SEMA5A: variants seen among roughly 807,000 people sequenced by gnomAD.
The protein encoded by SEMA5A is semaphorin 5A, also known as semaphorin-5A.
A neutral mutation model predicts 135.5 loss-of-function variants in SEMA5A; 55 were observed. That is an observed-to-expected ratio of 0.41 (90% CI 0.33 to 0.51). The LOEUF is 0.51. SEMA5A is among the 20% of genes least tolerant of loss of function. The pLI, the probability that SEMA5A is intolerant of heterozygous loss-of-function variation, is 0.37. For missense variants in SEMA5A, 1,290 were observed against 1,419.9 expected, an observed-to-expected ratio of 0.91 and a Z score of 1.47; for synonymous variants, 580 against 546.5, an observed-to-expected ratio of 1.06 and a Z score of -0.85.
At chr5:9,117,247 C>T (rs1740566207) in intron 15 of SEMA5A, among the ~76,000 whole-genome samples, 1 of 152,160 alleles carries the variant, frequency 6.6e-6, no homozygotes, top group Non-Finnish European at 1.5e-5. Flanking sequence ...CAGTGTTAAT[C>T]AGCCTCTTCC....
intron 12 of SEMA5A, 61 bp downstream of exon 12, chr5:9,154,427 C>T: frequency 6.5e-7 from 1 of 1,539,558 alleles, no homozygotes; most frequent in Admixed American, 1.7e-5. Flanking sequence ...GCCTCCCTGG[C>T]TCTCTCTGGG....
chr5:9,472,001 AT>A (rs1208078058), intron 1 of SEMA5A, among the ~76,000 whole-genome samples: 7 of 152,168 alleles, frequency 4.6e-5, no homozygotes, highest in African/African-American at 9.7e-5. Flanking sequence ...ATCTGGCTAC[AT>A]TTTTTTATTA....
At chr5:9,207,872 GATAGATAGATAGATAGATAGATAGATAC>G (rs1282861605) in intron 8 of SEMA5A, among the ~76,000 whole-genome samples, 97 of 42,282 alleles carry the variant, frequency 2.3e-3, no homozygotes, top group Middle Eastern at 0.01. Context: ...TAGATAGATA[GATAGATAGATAGATAGATAGATAGATAC>G]ATAGATAGAT....
At chr5:9,169,695 G>T (rs937220425) in intron 11 of SEMA5A, among the ~76,000 whole-genome samples, 1 of 152,072 alleles carries the variant, frequency 6.6e-6, no homozygotes, top group Non-Finnish European at 1.5e-5. Context: ...CTTTGGTGTG[G>T]CCTCTAGTCA....
At chr5:9,096,596 C>G (rs534510711) in intron 16 of SEMA5A, among the ~76,000 whole-genome samples, 54 of 118,004 alleles carry the variant, frequency 4.6e-4, no homozygotes, top group African/African-American at 1.7e-3. Flanking sequence ...GTGTGTGTGT[C>G]CCACAGCTTC....
At chr5:9,244,802 G>C (rs948183929) in intron 5 of SEMA5A, among the ~76,000 whole-genome samples, 1 of 152,184 alleles carries the variant, frequency 6.6e-6, no homozygotes, top group African/African-American at 2.4e-5. Flanking sequence ...CCCTTGAGCT[G>C]GTTGGGTGAG....
chr5:9,064,343 C>T lies in SEMA5A; in HGVS notation c.2300-1238G>A, dbSNP rs142225581. Among the ~76,000 whole-genome samples, 950 of 152,166 alleles carry T rather than the reference C, an allele frequency of 6.2e-3. 11 individuals are homozygous for T. The highest frequency in any genetic ancestry group is 0.022 in the African/African-American group (902 of 41,516). ...ACAGAAGAATAAAACTCTATGCGCA[C>T]GTATGTTTATGGAGGCACTATTCAC... On this transcript the variant is annotated intron_variant, in intron 17 of 22. Coordinates refer to ENST00000382496, the MANE Select transcript of SEMA5A (RefSeq NM_003966.3).
At chr5:9,195,575 T>C (rs1050586373) in intron 10 of SEMA5A, among the ~76,000 whole-genome samples, 3 of 152,150 alleles carry the variant, frequency 2.0e-5, no homozygotes, top group African/African-American at 4.8e-5. Context: ...TTTATCCCTT[T>C]CCCCCTTTGT....
intron 14 of SEMA5A, among the ~76,000 whole-genome samples, chr5:9,122,353 T>C (rs1648782773): frequency 6.6e-6 from 1 of 152,226 alleles, no homozygotes; most frequent in South Asian, 2.1e-4. Flanking sequence ...TTTGTAGATA[T>C]ATTCCATGAA....
chr5:9,139,042 G>A (rs1236942524), intron 12 of SEMA5A, among the ~76,000 whole-genome samples: 2 of 152,218 alleles, frequency 1.3e-5, no homozygotes, highest in East Asian at 3.9e-4. Context: ...ATTGTGAATT[G>A]TGCTGCTATA....
At chr5:9,286,581 C>T (rs1453060974) in intron 5 of SEMA5A, among the ~76,000 whole-genome samples, 1 of 152,080 alleles carries the variant, frequency 6.6e-6, no homozygotes. Context: ...AGGAAACTAC[C>T]CCTTCAAGAG....
chr5:9,507,207 T>C (rs2126835186), intron 1 of SEMA5A, among the ~76,000 whole-genome samples: 1 of 152,318 alleles, frequency 6.6e-6, no homozygotes, highest in South Asian at 2.1e-4. Flanking sequence ...TTTTCACCAT[T>C]GCCCTAAAAT....
intron 1 of SEMA5A, among the ~76,000 whole-genome samples, chr5:9,525,574 C>A (rs907690509): frequency 3.3e-5 from 5 of 152,172 alleles, no homozygotes; most frequent in African/African-American, 1.2e-4. Context: ...ATACCAGGAG[C>A]ACTTGTCTCT....
At chr5:9,128,636 A>C (rs1741242103) in intron 13 of SEMA5A, among the ~76,000 whole-genome samples, 1 of 152,182 alleles carries the variant, frequency 6.6e-6, no homozygotes, top group Non-Finnish European at 1.5e-5. Context: ...AGGAAATTTA[A>C]TTACCATTAG....
chr5:9,387,852 A>G (rs1349912931), intron 2 of SEMA5A, among the ~76,000 whole-genome samples: 1 of 152,250 alleles, frequency 6.6e-6, no homozygotes, highest in African/African-American at 2.4e-5. Context: ...TGAGCCCATA[A>G]GGGGAATCAG....
chr5:9,193,332 T>C (rs192182240), intron 10 of SEMA5A, among the ~76,000 whole-genome samples: 43 of 152,280 alleles, frequency 2.8e-4, no homozygotes, highest in Non-Finnish European at 5.0e-4. Flanking sequence ...ATAAAAATAG[T>C]AAAAGCACAG....
chr5:9,323,914 G>T (rs149297983), intron 4 of SEMA5A, among the ~76,000 whole-genome samples: 2,002 of 151,964 alleles, frequency 0.013, 46 homozygotes, highest in African/African-American at 0.045. Context: ...CTCCCAAAGT[G>T]CTGGGATTAC....
chr5:9,098,000 T>C (rs986526358), intron 16 of SEMA5A, among the ~76,000 whole-genome samples: 4 of 152,050 alleles, frequency 2.6e-5, no homozygotes, highest in Non-Finnish European at 5.9e-5. Flanking sequence ...TCCCAGCACT[T>C]TGGGAGGCTG....
At chr5:9,130,466 T>C (rs188295706) in intron 13 of SEMA5A, among the ~76,000 whole-genome samples, 1 of 152,298 alleles carries the variant, frequency 6.6e-6, no homozygotes, top group Admixed American at 6.5e-5. Context: ...ACACAGGAAA[T>C]GCAGTGCCTC....
Sources: allele counts gnomAD v4.1 joint callset (sites outside exome capture counted in the v4.1 genomes callset), GRCh38; gene constraint gnomAD v4.1.1; transcripts MANE v1.5; gene names NCBI Gene and HGNC (gene_info 2026-07-23, HGNC 2026-07-21).